NSMCE2: variants seen among roughly 807,000 people sequenced by gnomAD.
NSMCE2 encodes the protein E3 SUMO-protein ligase NSE2.
Under a neutral mutation model 23.8 loss-of-function variants are expected in NSMCE2, and 24 were observed. The ratio of observed to expected loss-of-function variants is 1.01; its 90% CI spans 0.73 to 1.42. The LOEUF (loss-of-function observed/expected upper bound fraction) is 1.42, where lower values mean the gene tolerates loss of function less well. NSMCE2 is among the 40% of genes most tolerant of loss of function. NSMCE2 has a pLI of 0.00. For synonymous variants in NSMCE2, 92 were observed against 94.1 expected (o/e 0.98, Z 0.13); for missense variants, 284 against 296.5 (o/e 0.96, Z 0.31).
At position 125,128,771 on chromosome 8, in the gene NSMCE2, T is replaced by G. The variant is rs149169284; in HGVS notation, c.158-22400T>G. Among the ~76,000 whole-genome samples, 714 of 152,318 alleles carry G rather than the reference T, an allele frequency of 4.7e-3. 4 individuals are homozygous for G. The highest frequency in any genetic ancestry group is 0.017 in the African/African-American group (691 of 41,582). On this transcript the variant is annotated intron_variant, in intron 3 of 7. Coordinates refer to ENST00000287437, the MANE Select transcript of NSMCE2 (RefSeq NM_173685.4). ...AAACCTGGCAATGGCCCATTGAGTC[T>G]TTCTCATCCTGCATCACTATGACAT...
intron 3 of NSMCE2, among the ~76,000 whole-genome samples, chr8:125,116,491 G>T (rs1467489363): frequency 6.6e-6 from 1 of 152,156 alleles, no homozygotes; most frequent in African/African-American, 2.4e-5. Flanking sequence ...GGGAAGGTTT[G>T]GAAGAAAGCC....
intron 5 of NSMCE2, among the ~76,000 whole-genome samples, chr8:125,294,599 CTT>C (rs1338080020): frequency 6.6e-6 from 1 of 152,172 alleles, no homozygotes; most frequent in Non-Finnish European, 1.5e-5. Context: ...CGATCGTATA[CTT>C]TCTTATGCAC....
intron 5 of NSMCE2, among the ~76,000 whole-genome samples, chr8:125,183,494 A>G (rs1822931184): frequency 6.6e-6 from 1 of 152,252 alleles, no homozygotes; most frequent in East Asian, 1.9e-4. Context: ...TCCCAAAGAG[A>G]TAATAATTTG....
chr8:125,256,036 C>T (rs1826390126), intron 5 of NSMCE2, among the ~76,000 whole-genome samples: 1 of 152,178 alleles, frequency 6.6e-6, no homozygotes, highest in Admixed American at 6.5e-5. Flanking sequence ...GTAATCCCAG[C>T]ACTTTGGGAG....
chr8:125,277,345 A>G (rs1007409755), intron 5 of NSMCE2, among the ~76,000 whole-genome samples: 3 of 152,158 alleles, frequency 2.0e-5, no homozygotes, highest in Non-Finnish European at 4.4e-5. Flanking sequence ...CATGATATTC[A>G]TTAGGCACTA....
chr8:125,226,860 C>G (rs1403269850), intron 5 of NSMCE2, among the ~76,000 whole-genome samples: 1 of 152,110 alleles, frequency 6.6e-6, no homozygotes, highest in Non-Finnish European at 1.5e-5. Context: ...CCTTAGTTTC[C>G]TCTTTTCTCT....
intron 7 of NSMCE2, among the ~76,000 whole-genome samples, chr8:125,360,094 A>T (rs1202879234): frequency 6.6e-6 from 1 of 152,186 alleles, no homozygotes; most frequent in African/African-American, 2.4e-5. Flanking sequence ...GGGGTGGCTG[A>T]CATTTCTCAT....
chr8:125,234,555 A>G (rs893859628), intron 5 of NSMCE2, among the ~76,000 whole-genome samples: 12 of 152,184 alleles, frequency 7.9e-5, no homozygotes, highest in Non-Finnish European at 1.6e-4. Context: ...TAAAACCTGT[A>G]ATTACTGGCA....
rs747987782 is a variant in NSMCE2 at position 125,102,423 on chromosome 8, A to G, written c.93A>G (p.Gln31=). Residue 31 remains glutamine, a synonymous_variant, in exon 3 of 8, where the codon CAA becomes CAG. Coordinates refer to ENST00000287437, the MANE Select transcript of NSMCE2 (RefSeq NM_173685.4). The part of the protein sequence containing the change: ...ESALSSLKNF[Q]ACINSGMDTA... ...CTCTCTCCTCCTTGAAAAACTTCCA[A>G]GCCTGTATCAACTCTGGTATGGACA... 1.9e-6 allele frequency: 3 copies of G among 1,613,556 alleles called. No individual in the cohort carries two copies. In the Admixed American group the frequency reaches 5.0e-5, roughly 27 times the overall value.
chr8:125,230,834 CCT>C (rs540149655), intron 5 of NSMCE2, among the ~76,000 whole-genome samples: 120 of 152,138 alleles, frequency 7.9e-4, no homozygotes, highest in African/African-American at 2.7e-3. Context: ...AGATTTTGCC[CCT>C]GTCTTTCTTA....
At chr8:125,115,704 T>C (rs755669753) in intron 3 of NSMCE2, among the ~76,000 whole-genome samples, 5 of 152,204 alleles carry the variant, frequency 3.3e-5, no homozygotes, top group Non-Finnish European at 5.9e-5. Context: ...TGAGCCAAGA[T>C]TGACAGAGCG....
At chr8:125,212,875 CT>C (rs1824405488) in intron 5 of NSMCE2, among the ~76,000 whole-genome samples, 1 of 151,946 alleles carries the variant, frequency 6.6e-6, no homozygotes, top group Non-Finnish European at 1.5e-5. Context: ...GAAAGTGTAC[CT>C]TTTTCTGATT....
chr8:125,335,339 T>TA (rs1219346087), intron 5 of NSMCE2, among the ~76,000 whole-genome samples: 1 of 152,190 alleles, frequency 6.6e-6, no homozygotes, highest in African/African-American at 2.4e-5. Context: ...AGAACAGCCC[T>TA]ACCAGACAGG....
chr8:125,192,866 C>T lies in NSMCE2; in HGVS notation c.418+10610C>T, dbSNP rs148673434. 3.5e-4 allele frequency among the ~76,000 whole-genome samples: 53 copies of T among 152,288 alleles called. No individual in the cohort carries two copies. The East Asian group carries it at 3.9e-3, about 11-fold the overall frequency. On this transcript the variant is annotated intron_variant, in intron 5 of 7. Coordinates refer to ENST00000287437, the MANE Select transcript of NSMCE2 (RefSeq NM_173685.4). ...CAGATGATGATAGATGATGATGACG[C>T]GCTCTACTGCTAACATGTGCTGTCT... is the stretch of plus-strand genomic sequence containing the variant.
chr8:125,219,914 TTTC>T (rs1211381069), intron 5 of NSMCE2, among the ~76,000 whole-genome samples: 3 of 152,224 alleles, frequency 2.0e-5, no homozygotes, highest in African/African-American at 7.2e-5. Flanking sequence ...GCTCTTTTTC[TTTC>T]TTCTTCTTTC....
At chr8:125,273,387 A>G (rs1191389676) in intron 5 of NSMCE2, among the ~76,000 whole-genome samples, 1 of 152,246 alleles carries the variant, frequency 6.6e-6, no homozygotes, top group African/African-American at 2.4e-5. Flanking sequence ...GATAAAAGTT[A>G]TTATGGAAAA....
At chr8:125,234,431 GTA>G (rs1291618303) in intron 5 of NSMCE2, among the ~76,000 whole-genome samples, 2 of 152,150 alleles carry the variant, frequency 1.3e-5, no homozygotes, top group African/African-American at 4.8e-5. Context: ...CCCTGCAAAG[GTA>G]TCTTCTTGCT....
At chr8:125,108,468 C>T (rs891038431) in intron 3 of NSMCE2, among the ~76,000 whole-genome samples, 2 of 152,198 alleles carry the variant, frequency 1.3e-5, no homozygotes, top group Non-Finnish European at 2.9e-5. Flanking sequence ...TGGGTCCAGT[C>T]CTAACTCTGT....
At chr8:125,325,062 A>C (rs149638288) in intron 5 of NSMCE2, among the ~76,000 whole-genome samples, 1 of 152,278 alleles carries the variant, frequency 6.6e-6, no homozygotes, top group East Asian at 1.9e-4. Context: ...AGATGTGTAC[A>C]TTATCAAATT....
Sources: gnomAD v4.1 joint callset for allele counts (sites outside exome capture counted in the v4.1 genomes callset) on GRCh38, gnomAD v4.1.1 for gene constraint, MANE v1.5 for transcripts, NCBI Gene and HGNC (gene_info 2026-07-23, HGNC 2026-07-21) for gene names.